The following SFMBT2 variants were observed in gnomAD, a reference collection of about 807,000 sequenced individuals.
The protein encoded by SFMBT2 is Scm like with four mbt domains 2, also known as scm-like with four MBT domains protein 2.
In SFMBT2, 38 loss-of-function variants were observed where a neutral mutation model predicts 110.1. The observed-to-expected ratio is 0.35, with a 90% CI of 0.27 to 0.45. The LOEUF (loss-of-function observed/expected upper bound fraction) is 0.45, where lower values mean the gene tolerates loss of function less well. Ranked by LOEUF, SFMBT2 falls within the 20% of genes least tolerant of loss-of-function variation. The pLI, the probability that SFMBT2 is intolerant of heterozygous loss-of-function variation, is 1.00. For synonymous variants in SFMBT2, 425 were observed against 425.4 expected, an observed-to-expected ratio of 1.00 and a Z score of 0.01; for missense variants, 1,011 against 1,094.9, an observed-to-expected ratio of 0.92 and a Z score of 1.08.
At chr10:7,232,562 T>C (rs1202062834) in intron 9 of SFMBT2, among the ~76,000 whole-genome samples, 1 of 152,200 alleles carries the variant, frequency 6.6e-6, no homozygotes, top group Admixed American at 6.5e-5. Context: ...ATAACTGCTA[T>C]GGCTTTAGAT....
At chr10:7,206,450 C>T in intron 11 of SFMBT2, 1 of 985,438 alleles carries the variant, frequency 1.0e-6, no homozygotes, top group Non-Finnish European at 1.2e-6. Context: ...AACTCAAAAA[C>T]AAGGTTTATG....
chr10:7,253,650 A>C (rs753011796), intron 7 of SFMBT2, among the ~76,000 whole-genome samples: 17 of 152,204 alleles, frequency 1.1e-4, no homozygotes, highest in Middle Eastern at 3.2e-3. Context: ...AGACATTCTG[A>C]GAGGTTGCAG....
intron 4 of SFMBT2, among the ~76,000 whole-genome samples, chr10:7,361,973 G>T (rs1269739958): frequency 6.6e-6 from 1 of 152,098 alleles, no homozygotes; most frequent in Non-Finnish European, 1.5e-5. Flanking sequence ...GTCGTCACTG[G>T]ATTAAATGAT....
chr10:7,388,620 T>C (rs112678989), intron 1 of SFMBT2, among the ~76,000 whole-genome samples: 3,822 of 149,790 alleles, frequency 0.026, 86 homozygotes, highest in Non-Finnish European at 0.038. Context: ...AAGTGATCTG[T>C]CCGCCTCTGG....
intron 20 of SFMBT2, among the ~76,000 whole-genome samples, chr10:7,167,234 C>T (rs933744373): frequency 1.3e-5 from 2 of 152,100 alleles, no homozygotes; most frequent in Non-Finnish European, 2.9e-5. Context: ...CTGCTTATTG[C>T]GCTGTCTCTG....
intron 20 of SFMBT2, among the ~76,000 whole-genome samples, chr10:7,165,911 C>T (rs561154882): frequency 1.3e-5 from 2 of 152,336 alleles, no homozygotes; most frequent in South Asian, 4.1e-4. Flanking sequence ...GCGAAGAAAC[C>T]AAGGGGACCT....
At chr10:7,398,281 G>A (rs1845981035) in intron 1 of SFMBT2, among the ~76,000 whole-genome samples, 2 of 152,132 alleles carry the variant, frequency 1.3e-5, no homozygotes, top group African/African-American at 4.8e-5. Context: ...TTGCCCAAGA[G>A]CATAAGGTGA....
At chr10:7,280,487 T>C (rs920576306) in intron 6 of SFMBT2, among the ~76,000 whole-genome samples, 1 of 152,208 alleles carries the variant, frequency 6.6e-6, no homozygotes, top group Admixed American at 6.5e-5. Flanking sequence ...TTCATCTCCT[T>C]AGCATCTGCA....
At chr10:7,280,263 T>G (rs1841911945) in intron 6 of SFMBT2, among the ~76,000 whole-genome samples, 1 of 152,234 alleles carries the variant, frequency 6.6e-6, no homozygotes, top group South Asian at 2.1e-4. Flanking sequence ...CATTTTGTTA[T>G]GGCAGCTTGA....
At chr10:7,331,751 C>T (rs1036261941) in intron 4 of SFMBT2, among the ~76,000 whole-genome samples, 1 of 152,096 alleles carries the variant, frequency 6.6e-6, no homozygotes, top group Non-Finnish European at 1.5e-5. Context: ...CTCCTGTAAT[C>T]CCAGCACTTT....
chr10:7,331,349 G>A (rs2131959302), intron 4 of SFMBT2, among the ~76,000 whole-genome samples: 2 of 152,326 alleles, frequency 1.3e-5, no homozygotes, highest in Middle Eastern at 6.8e-3. Flanking sequence ...GGACAGGAAA[G>A]CCAGGTGAAA....
At chr10:7,307,597 G>C (rs941705653) in intron 4 of SFMBT2, among the ~76,000 whole-genome samples, 1 of 152,200 alleles carries the variant, frequency 6.6e-6, no homozygotes, top group East Asian at 1.9e-4. Flanking sequence ...CTGATAAATA[G>C]TTCTAGGACA....
rs1840697651 is a variant in SFMBT2, at chr10:7,248,612, C to T, written c.908G>A (p.Gly303Glu). The T allele has an allele frequency of 1.9e-6, 3 of 1,614,018 alleles. No homozygotes were observed. Among genetic ancestry groups the T allele is most frequent in the African/African-American group, 1.3e-5 (1 of 74,922 alleles). The change falls in exon 8 of 21, where the codon GGG (glycine) becomes GAG (glutamate). Residue 303 changes from glycine (G) to glutamate (E), a missense_variant. Physicochemically the swap from Gly to Glu is moderately conservative, Grantham distance 98. Around this residue, in one of 2 missense-constraint regions of SFMBT2, gnomAD observed 979 missense variants for 1,016.1 expected, o/e 0.96. Transcript: ENST00000397167. ...ADLRSHFFTVGMKLETVNMCE... is the reference protein window; with the variant it reads ...ADLRSHFFTVEMKLETVNMCE... ...CATATTCACTGTCTCAAGCTTCATC[C>T]CAACTGTGAAGAAATGGCTTCGCAA...
chr10:7,360,502 A>T (rs1844683076), intron 4 of SFMBT2, among the ~76,000 whole-genome samples: 1 of 152,130 alleles, frequency 6.6e-6, no homozygotes, highest in Middle Eastern at 3.2e-3. Flanking sequence ...TGTGTGGCAT[A>T]TTGTGAGTAG....
intron 9 of SFMBT2, among the ~76,000 whole-genome samples, chr10:7,232,072 T>C (rs539054737): frequency 6.6e-6 from 1 of 152,266 alleles, no homozygotes; most frequent in East Asian, 1.9e-4. Context: ...CCTTAGGCAA[T>C]TAAACTTTGC....
At chr10:7,346,435 G>A (rs369097643) in intron 4 of SFMBT2, among the ~76,000 whole-genome samples, 10 of 152,162 alleles carry the variant, frequency 6.6e-5, no homozygotes, top group East Asian at 1.9e-4. Flanking sequence ...TTTTAGAACC[G>A]TCTCTTACAA....
At chr10:7,257,536 T>TA (rs1473462142) in intron 7 of SFMBT2, among the ~76,000 whole-genome samples, 5 of 152,154 alleles carry the variant, frequency 3.3e-5, no homozygotes, top group Non-Finnish European at 2.9e-5. Context: ...CTTTATAAAA[T>TA]ACAGTATACA....
intron 1 of SFMBT2, among the ~76,000 whole-genome samples, chr10:7,394,531 A>G (rs924270541): frequency 3.2e-5 from 4 of 126,282 alleles, no homozygotes; most frequent in Admixed American, 2.5e-4. Context: ...ACTCCCCGAC[A>G]CGCTCACCCC....
At chr10:7,212,771 G>T (rs1253450569) in intron 11 of SFMBT2, among the ~76,000 whole-genome samples, 4 of 152,196 alleles carry the variant, frequency 2.6e-5, no homozygotes, top group African/African-American at 9.7e-5. Context: ...AGGATGGGTT[G>T]CTGAGTGTCA....
Sources: gnomAD v4.1 joint callset for allele counts (sites outside exome capture counted in the v4.1 genomes callset) on GRCh38, gnomAD v4.1.1 for gene constraint, gnomAD v4.1.1 regional missense constraint, MANE v1.5 for transcripts, NCBI Gene and HGNC (gene_info 2026-07-23, HGNC 2026-07-21) for gene names.